Variants in MGAT4C observed in about 807,000 individuals in gnomAD.
The protein encoded by MGAT4C is alpha-1,3-mannosyl-glycoprotein 4-beta-N-acetylglucosaminyltransferase C.
In MGAT4C, 19 loss-of-function variants were observed where a neutral mutation model predicts 40.1. The ratio of observed to expected loss-of-function variants is 0.47; its 90% CI spans 0.33 to 0.70. The LOEUF is 0.70. MGAT4C is among the 30% of genes least tolerant of loss of function. The pLI is 0.02. For missense variants in MGAT4C, 491 were observed against 563.2 expected (o/e 0.87, Z 1.30); for synonymous variants, 181 against 187.1 (o/e 0.97, Z 0.27).
At chr12:86,475,746 C>T (rs1477137418) in intron 2 of MGAT4C, among the ~76,000 whole-genome samples, 3 of 151,910 alleles carry the variant, frequency 2.0e-5, no homozygotes, top group Admixed American at 6.6e-5. Context: ...TTGGGTACAG[C>T]AACTTTCATG....
intron 1 of MGAT4C, among the ~76,000 whole-genome samples, chr12:86,825,791 C>T (rs979862720): frequency 6.6e-6 from 1 of 151,368 alleles, no homozygotes; most frequent in African/African-American, 2.4e-5. Flanking sequence ...TACTACAGTG[C>T]CCCTTGGCTG....
chr12:86,364,042 C>A (rs1955540317), intron 3 of MGAT4C, among the ~76,000 whole-genome samples: 1 of 151,720 alleles, frequency 6.6e-6, no homozygotes, highest in Non-Finnish European at 1.5e-5. Context: ...GGTCCTCTAT[C>A]TGTAAAACCA....
chr12:86,022,215 C>G (rs1472697023), intron 2 of MGAT4C, among the ~76,000 whole-genome samples: 1 of 152,122 alleles, frequency 6.6e-6, no homozygotes, highest in Non-Finnish European at 1.5e-5. Context: ...AGAGGAAATG[C>G]AGTAAAAACA....
chr12:86,660,241 A>G (rs1963949513), intron 2 of MGAT4C, among the ~76,000 whole-genome samples: 1 of 152,274 alleles, frequency 6.6e-6, no homozygotes, highest in Non-Finnish European at 1.5e-5. Flanking sequence ...ACGGGATTTG[A>G]TAACAGATTG....
At chr12:86,726,146 A>C (rs1411876323) in intron 2 of MGAT4C, among the ~76,000 whole-genome samples, 1 of 152,216 alleles carries the variant, frequency 6.6e-6, no homozygotes, top group Non-Finnish European at 1.5e-5. Context: ...GACAAAAGAC[A>C]GTTTAAAACA....
intron 1 of MGAT4C, among the ~76,000 whole-genome samples, chr12:86,781,511 G>A (rs1234274673): frequency 6.6e-6 from 1 of 152,020 alleles, no homozygotes. Context: ...AGATTCAGGT[G>A]AATTGTGAAG....
chr12:86,566,263 G>A (rs903375138), intron 2 of MGAT4C, among the ~76,000 whole-genome samples: 2 of 151,748 alleles, frequency 1.3e-5, no homozygotes, highest in South Asian at 2.1e-4. Flanking sequence ...GGGAAAGGGA[G>A]ACCCACCCTT....
In MGAT4C at chr12:85,972,288, T is replaced by C; in HGVS notation, c.*7001A>G. 6.6e-6 allele frequency: 1 copy of C among 151,076 alleles called. No homozygotes were observed. The highest frequency in any genetic ancestry group is 2.4e-5 in the African/African-American group (1 of 41,456). 9.4% of individuals were successfully genotyped at this position (151,076 alleles called of 1,614,324 possible). On this transcript the variant is annotated 3_prime_UTR_variant, in exon 5 of 5. Coordinates refer to ENST00000611864, the MANE Select transcript of MGAT4C (RefSeq NM_001351288.2). ...AAGTTACAACTGCATTAATAGGATT[T>C]TAATTTTTATTCAAAATGGACAACT...
chr12:86,361,459 T>A lies in MGAT4C; in HGVS notation c.-119-27332A>T, dbSNP rs774347498. Among the ~76,000 whole-genome samples, 378 of 152,262 alleles carry A rather than the reference T, an allele frequency of 2.5e-3. 2 individuals are homozygous for A. The highest frequency in any genetic ancestry group is 4.3e-3 in the Non-Finnish European group (293 of 68,022). On this transcript the variant is annotated intron_variant, in intron 3 of 7. Coordinates refer to the MGAT4C transcript ENST00000548651. Reference sequence around the variant, plus strand: ...TTCATGACTAAAACATCAAAAGCAATGGCAACAAAAGCCAAAATTGACAAA... The same window carrying A: ...TTCATGACTAAAACATCAAAAGCAAAGGCAACAAAAGCCAAAATTGACAAA...
At chr12:86,767,315 G>T (rs1951530591) in intron 1 of MGAT4C, among the ~76,000 whole-genome samples, 1 of 152,192 alleles carries the variant, frequency 6.6e-6, no homozygotes, top group East Asian at 1.9e-4. Context: ...ACTAAACCAG[G>T]AAGAAGTTGA....
intron 2 of MGAT4C, among the ~76,000 whole-genome samples, chr12:86,670,311 T>G (rs1356532142): frequency 6.6e-6 from 1 of 151,800 alleles, no homozygotes; most frequent in African/African-American, 2.4e-5. Flanking sequence ...CAAAGAAAGT[T>G]TTAAAACAAT....
chr12:86,394,561 TTA>T (rs897030869), intron 3 of MGAT4C, among the ~76,000 whole-genome samples: 5 of 144,848 alleles, frequency 3.5e-5, no homozygotes, highest in African/African-American at 1.0e-4. Flanking sequence ...ATTTATATAT[TTA>T]TATATATTTA....
intron 2 of MGAT4C, among the ~76,000 whole-genome samples, chr12:86,587,539 G>T (rs1409260612): frequency 3.3e-5 from 5 of 151,938 alleles, no homozygotes; most frequent in Non-Finnish European, 5.9e-5. Flanking sequence ...ATTACCTTGG[G>T]CAGTATGGCC....
chr12:86,511,986 AT>A (rs1475179906), intron 2 of MGAT4C, among the ~76,000 whole-genome samples: 1 of 152,164 alleles, frequency 6.6e-6, no homozygotes, highest in African/African-American at 2.4e-5. Flanking sequence ...AATATTTGCA[AT>A]CCATATATCT....
chr12:86,731,266 G>A (rs1950902484), intron 1 of MGAT4C, among the ~76,000 whole-genome samples: 1 of 152,062 alleles, frequency 6.6e-6, no homozygotes, highest in South Asian at 2.1e-4. Context: ...ATTAACTTCA[G>A]AGCTTATGAT....
intron 2 of MGAT4C, among the ~76,000 whole-genome samples, chr12:86,538,227 T>C (rs987576810): frequency 6.6e-6 from 1 of 152,210 alleles, no homozygotes; most frequent in Non-Finnish European, 1.5e-5. Context: ...AAGTACTGTA[T>C]AGACAGCCAG....
chr12:86,556,913 A>C (rs1959638235), intron 2 of MGAT4C, among the ~76,000 whole-genome samples: 1 of 152,142 alleles, frequency 6.6e-6, no homozygotes, highest in Non-Finnish European at 1.5e-5. Context: ...CCAAATTTTC[A>C]GTTGATTTTA....
chr12:86,351,713 A>G (rs988060488), intron 3 of MGAT4C, among the ~76,000 whole-genome samples: 5 of 152,044 alleles, frequency 3.3e-5, no homozygotes, highest in Admixed American at 2.6e-4. Flanking sequence ...TTGTTAAACA[A>G]TCTAAATATC....
intron 3 of MGAT4C, among the ~76,000 whole-genome samples, chr12:86,420,243 A>G (rs1956794067): frequency 6.6e-6 from 1 of 152,042 alleles, no homozygotes; most frequent in Admixed American, 6.6e-5. Flanking sequence ...TTAGCGGAGC[A>G]TGGTGGCATG....
Sources: gnomAD v4.1 joint callset for allele counts (sites outside exome capture counted in the v4.1 genomes callset) on GRCh38, gnomAD v4.1.1 for gene constraint, MANE v1.5 for transcripts, NCBI Gene and HGNC (gene_info 2026-07-23, HGNC 2026-07-21) for gene names.